PLCXD2: variants seen among roughly 807,000 people sequenced by gnomAD.
The protein encoded by PLCXD2 is PI-PLC X domain-containing protein 2.
In PLCXD2, 21 loss-of-function variants were observed where a neutral mutation model predicts 28.6. The observed-to-expected ratio is 0.73, with a 90% CI of 0.52 to 1.06. The LOEUF is 1.06. PLCXD2 is among the 50% of genes least tolerant of loss of function. PLCXD2 has a pLI of 0.00. For missense variants in PLCXD2, 369 were observed against 376.7 expected (o/e 0.98, Z 0.17); for synonymous variants, 140 against 150.1 (o/e 0.93, Z 0.49).
intron 1 of PLCXD2, among the ~76,000 whole-genome samples, chr3:111,675,653 G>A (rs950539274): frequency 6.6e-6 from 1 of 152,088 alleles, no homozygotes; most frequent in Non-Finnish European, 1.5e-5. Flanking sequence ...TTGTTTGTTT[G>A]CTTATATTTG....
intron 3 of PLCXD2, among the ~76,000 whole-genome samples, chr3:111,720,480 G>T (rs758391764): frequency 3.9e-5 from 6 of 152,120 alleles, no homozygotes; most frequent in Non-Finnish European, 7.3e-5. Context: ...TCTCTTTGAT[G>T]CTGGAAGCAA....
intron 1 of PLCXD2, among the ~76,000 whole-genome samples, chr3:111,680,595 G>T (rs1940699438): frequency 6.6e-6 from 1 of 152,136 alleles, no homozygotes; most frequent in Non-Finnish European, 1.5e-5. Context: ...GGTTCCATTA[G>T]TAGGTTTCAC....
intron 2 of PLCXD2, among the ~76,000 whole-genome samples, chr3:111,711,961 C>G (rs1941204790): frequency 6.6e-6 from 1 of 152,118 alleles, no homozygotes; most frequent in Admixed American, 6.5e-5. Context: ...GACTTTTAAT[C>G]TGAGTCTCAA....
intron 3 of PLCXD2, chr3:111,722,227 T>C (rs184667815): frequency 6.8e-6 from 1 of 147,262 alleles, no homozygotes; most frequent in Non-Finnish European, 1.5e-5. Flanking sequence ...AGATTAAATA[T>C]CTGCCGTGCT....
At chr3:111,683,971 G>C (rs1351282304) in intron 1 of PLCXD2, among the ~76,000 whole-genome samples, 1 of 152,090 alleles carries the variant, frequency 6.6e-6, no homozygotes, top group Non-Finnish European at 1.5e-5. Context: ...AGTTTATTAT[G>C]GTTGTACTGT....
chr3:111,717,432 T>C (rs1016059347), intron 3 of PLCXD2, among the ~76,000 whole-genome samples: 1 of 152,170 alleles, frequency 6.6e-6, no homozygotes, highest in African/African-American at 2.4e-5. Context: ...ACAGATCCCT[T>C]GTCCTGGTAA....
At chr3:111,685,072 T>A (rs1940774251) in intron 1 of PLCXD2, among the ~76,000 whole-genome samples, 1 of 152,150 alleles carries the variant, frequency 6.6e-6, no homozygotes, top group Non-Finnish European at 1.5e-5. Context: ...TTGAGGCACC[T>A]GTGGGACATT....
chr3:111,713,534 C>G (rs1414664258), intron 2 of PLCXD2, among the ~76,000 whole-genome samples: 1 of 152,204 alleles, frequency 6.6e-6, no homozygotes, highest in Non-Finnish European at 1.5e-5. Context: ...TAATTTATTA[C>G]AAACTTATTT....
chr3:111,697,078 C>T (rs1190392754), intron 1 of PLCXD2, among the ~76,000 whole-genome samples: 2 of 152,064 alleles, frequency 1.3e-5, no homozygotes, highest in African/African-American at 2.4e-5. Context: ...GCTCCAAACA[C>T]GTCTGTAGAT....
At chr3:111,679,307 G>A (rs1226962363) in intron 1 of PLCXD2, among the ~76,000 whole-genome samples, 1 of 152,102 alleles carries the variant, frequency 6.6e-6, no homozygotes, top group African/African-American at 2.4e-5. Flanking sequence ...GTATATGGGA[G>A]TAAATGGGGG....
chr3:111,715,159 T>C (rs1941251882), intron 3 of PLCXD2, among the ~76,000 whole-genome samples: 1 of 152,212 alleles, frequency 6.6e-6, no homozygotes, highest in Non-Finnish European at 1.5e-5. Flanking sequence ...AACCAGAAAG[T>C]GTTTTCTGTG....
At chr3:111,700,246 T>C (rs976678201) in intron 1 of PLCXD2, among the ~76,000 whole-genome samples, 3 of 152,176 alleles carry the variant, frequency 2.0e-5, no homozygotes, top group African/African-American at 4.8e-5. Context: ...ACATACATGA[T>C]TCAGGATTTT....
intron 2 of PLCXD2, among the ~76,000 whole-genome samples, chr3:111,711,659 T>C (rs1421215274): frequency 6.6e-6 from 1 of 152,176 alleles, no homozygotes; most frequent in East Asian, 1.9e-4. Context: ...TGTACATTAG[T>C]GGCTATGGGT....
chr3:111,687,591 A>G (rs764174727), intron 1 of PLCXD2, among the ~76,000 whole-genome samples: 1 of 152,130 alleles, frequency 6.6e-6, no homozygotes, highest in Admixed American at 6.5e-5. Flanking sequence ...GGAATACAAG[A>G]TGTTTTTCTA....
intron 1 of PLCXD2, among the ~76,000 whole-genome samples, chr3:111,706,003 G>A (rs891660750): frequency 6.6e-6 from 1 of 151,956 alleles, no homozygotes; most frequent in Non-Finnish European, 1.5e-5. Flanking sequence ...CTGCAGGTGT[G>A]CACCACCACT....
intron 1 of PLCXD2, among the ~76,000 whole-genome samples, chr3:111,704,176 C>A (rs1314504656): frequency 6.6e-6 from 1 of 151,862 alleles, no homozygotes; most frequent in Non-Finnish European, 1.5e-5. Context: ...AGTATGAATA[C>A]AGGAATTCTG....
chr3:111,719,385 A>G (rs1364776490), intron 3 of PLCXD2, among the ~76,000 whole-genome samples: 1 of 152,212 alleles, frequency 6.6e-6, no homozygotes, highest in African/African-American at 2.4e-5. Flanking sequence ...TAACTTCTAC[A>G]ACTCAACAAT....
rs138285901 is a variant in PLCXD2, at chr3:111,708,001, G to A, written c.239G>A (p.Arg80His). ...CCTGACCAAACCCAAGCTATCAAAC[G>A]CCTCGCCAGGATCTCCTTGGTGAAG... Residue 80 changes from arginine (R) to histidine (H), a missense_variant, in exon 2 of 5, where the codon CGC (arginine) becomes CAC (histidine). By Grantham distance (29) the Arg-to-His change is conservative (BLOSUM62 0). Transcript: ENST00000477665. 6.2e-5 allele frequency: 100 copies of A among 1,613,980 alleles called. No homozygotes were observed. The highest frequency in any genetic ancestry group is 7.6e-5 in the Non-Finnish European group (90 of 1,180,024).
intron 3 of PLCXD2, among the ~76,000 whole-genome samples, chr3:111,717,643 T>G (rs570624804): frequency 6.6e-6 from 1 of 152,300 alleles, no homozygotes; most frequent in African/African-American, 2.4e-5. Flanking sequence ...GCTCCAGGGA[T>G]CCTCCAAGGT....
Sources: allele counts gnomAD v4.1 joint callset (sites outside exome capture counted in the v4.1 genomes callset), GRCh38; gene constraint gnomAD v4.1.1; transcripts MANE v1.5; gene names NCBI Gene and HGNC (gene_info 2026-07-23, HGNC 2026-07-21).